The following PARP16 variants were observed in gnomAD, a reference collection of about 807,000 sequenced individuals.
The protein encoded by PARP16 is protein mono-ADP-ribosyltransferase PARP16.
PARP16 carries 31 observed loss-of-function variants against 35.0 expected under a neutral mutation model. That is an observed-to-expected ratio of 0.88 (90% CI 0.66 to 1.19). PARP16 has a LOEUF of 1.19. PARP16 is among the 50% of genes most tolerant of loss of function. The pLI is 0.00. For synonymous variants in PARP16, 162 were observed against 169.5 expected, an observed-to-expected ratio of 0.96 and a Z score of 0.34; for missense variants, 424 against 411.2, an observed-to-expected ratio of 1.03 and a Z score of -0.27.
intron 2 of PARP16, among the ~76,000 whole-genome samples, chr15:65,249,464 A>G (rs1226184701): frequency 6.6e-6 from 1 of 152,224 alleles, no homozygotes; most frequent in African/African-American, 2.4e-5. Flanking sequence ...ATGGGGACTC[A>G]GGAGAAATGT....
At chr15:65,271,841 G>C (rs1177635324) in intron 1 of PARP16, among the ~76,000 whole-genome samples, 1 of 152,216 alleles carries the variant, frequency 6.6e-6, no homozygotes, top group Non-Finnish European at 1.5e-5. Flanking sequence ...CCTGGAGACT[G>C]GATAAAGGTA....
downstream of PARP16, among the ~76,000 whole-genome samples, chr15:65,255,131 T>C (rs563778558): frequency 6.6e-6 from 1 of 152,148 alleles, no homozygotes; most frequent in African/African-American, 2.4e-5. Context: ...GCTTGGCCTA[T>C]GGGATCTCCC....
chr15:65,272,838 TGAA>T (rs1050223921), intron 1 of PARP16, among the ~76,000 whole-genome samples: 1 of 152,216 alleles, frequency 6.6e-6, no homozygotes, highest in East Asian at 1.9e-4. Flanking sequence ...TCAGGAAGTT[TGAA>T]GAAGGTCACA....
At chr15:65,246,529 G>A (rs1035975457) in intron 3 of PARP16, among the ~76,000 whole-genome samples, 12 of 152,338 alleles carry the variant, frequency 7.9e-5, no homozygotes, top group African/African-American at 2.9e-4. Flanking sequence ...TGGTCAGGCA[G>A]GCACAGACAT....
downstream of PARP16, among the ~76,000 whole-genome samples, chr15:65,253,138 A>G (rs1447865643): frequency 7.0e-6 from 1 of 142,628 alleles, no homozygotes; most frequent in Non-Finnish European, 1.6e-5. Context: ...CGTCTCAAAA[A>G]AAAAAAAAAC....
downstream of PARP16, among the ~76,000 whole-genome samples, chr15:65,255,844 T>C (rs2089491953): frequency 6.6e-6 from 1 of 150,702 alleles, no homozygotes; most frequent in African/African-American, 2.4e-5. Context: ...TCTGTAGCAG[T>C]GAGCTAATGT....
chr15:65,271,054 A>C lies in PARP16; in HGVS notation c.193T>G (p.Leu65Val). The change falls in exon 2 of 6, where the codon TTA (leucine) becomes GTA (valine). Residue 65 changes from leucine (L) to valine (V), a missense_variant. Coordinates refer to ENST00000649807, the MANE Select transcript of PARP16 (RefSeq NM_001316943.2). ...TGGAGAAGTTCTTTCAGGTTAGGTA[A>C]CTTGCTGGCATCTGCAAGCTGAAGC... ...FEALLADASK[L>V]PNLKELLQSS... 2 of 1,614,048 alleles carry C rather than the reference A, an allele frequency of 1.2e-6. No individual in the cohort carries two copies. Among genetic ancestry groups the C allele is most frequent in the Admixed American group, 3.3e-5 (2 of 60,008 alleles).
At chr15:65,249,956 A>G (rs2089310089) in intron 2 of PARP16, among the ~76,000 whole-genome samples, 2 of 152,072 alleles carry the variant, frequency 1.3e-5, no homozygotes, top group African/African-American at 4.8e-5. Flanking sequence ...TTCTGCTCAT[A>G]AAACAGAGCA....
intron 4 of PARP16, among the ~76,000 whole-genome samples, chr15:65,262,054 T>C (rs1354077941): frequency 6.6e-6 from 1 of 152,038 alleles, no homozygotes; most frequent in Non-Finnish European, 1.5e-5. Flanking sequence ...ATCTCAGAAT[T>C]CCAGTTGTTT....
downstream of PARP16, among the ~76,000 whole-genome samples, chr15:65,254,953 A>T (rs145522477): frequency 6.6e-6 from 1 of 152,292 alleles, no homozygotes; most frequent in Non-Finnish European, 1.5e-5. Context: ...CTGACAGCTC[A>T]TGGGATGCTG....
At chr15:65,270,890 C>T (rs557009266) in intron 2 of PARP16, 45 bp downstream of exon 2, 12 of 1,599,998 alleles carry the variant, frequency 7.5e-6, no homozygotes, top group Non-Finnish European at 1.0e-5. Context: ...TGTCCTAGAG[C>T]CCTTAGGCCC....
intron 1 of PARP16, among the ~76,000 whole-genome samples, chr15:65,281,984 T>C (rs1204150879): frequency 6.6e-6 from 1 of 152,238 alleles, no homozygotes; most frequent in Admixed American, 6.5e-5. Flanking sequence ...TTCACATTAC[T>C]TCCTAGTGCT....
rs144396805 is a variant in PARP16, at chr15:65,281,212, C to T, written c.174+5041G>A. ...AGTGACAAACCTGAAGTTCGGAGGC[C>T]AATGGTTAAGGGGTACAGGGAATCC... is the stretch of plus-strand genomic sequence containing the variant. On this transcript the variant is annotated intron_variant, in intron 1 of 5. Transcript: ENST00000649807. 2.1e-3 allele frequency among the ~76,000 whole-genome samples: 317 copies of T among 152,250 alleles called. 3 individuals carry two copies. Among genetic ancestry groups the T allele is most frequent in the African/African-American group, 7.5e-3 (312 of 41,548 alleles).
At chr15:65,254,351 C>T (rs1413246748), downstream of PARP16, among the ~76,000 whole-genome samples, 1 of 152,130 alleles carries the variant, frequency 6.6e-6, no homozygotes, top group Non-Finnish European at 1.5e-5. Context: ...CTCCAAATGT[C>T]AGGTTGGAGA....
intron 2 of PARP16, among the ~76,000 whole-genome samples, chr15:65,249,850 T>C (rs59470120): frequency 0.046 from 6,970 of 152,266 alleles, 388 homozygotes; most frequent in African/African-American, 0.13. Flanking sequence ...TCTGCAATGA[T>C]GGGGCTGGGA....
chr15:65,270,430 C>T (rs1221950368), intron 2 of PARP16, among the ~76,000 whole-genome samples: 4 of 152,184 alleles, frequency 2.6e-5, no homozygotes, highest in African/African-American at 9.7e-5. Context: ...TTTTCCACTC[C>T]TTTGAGTTCT....
chr15:65,238,444 C>A (rs1472910877), intron 3 of PARP16, among the ~76,000 whole-genome samples: 5 of 152,200 alleles, frequency 3.3e-5, no homozygotes, highest in Non-Finnish European at 7.3e-5. Flanking sequence ...CCCAGTCACT[C>A]CATGCTCCAG....
rs2089581090 is a variant in PARP16 at position 65,258,441 on chromosome 15, C to T, written c.*966G>A. Reference sequence around the variant, plus strand: ...TGGGGCAGGCCTCTGTCTTGAAGGCCAGTAGGCCACAGAAGACCTGAAAGC... The same window carrying T: ...TGGGGCAGGCCTCTGTCTTGAAGGCTAGTAGGCCACAGAAGACCTGAAAGC... On this transcript the variant is annotated 3_prime_UTR_variant, in exon 6 of 6. Transcript: ENST00000649807. The T allele has an allele frequency of 6.6e-6, 1 of 152,214 alleles. No homozygotes were observed. The highest frequency in any genetic ancestry group is 6.5e-5 in the Admixed American group (1 of 15,276). 9.4% of individuals were successfully genotyped at this position (152,214 alleles called of 1,614,324 possible).
chr15:65,267,415 A>G (rs1189816662), intron 2 of PARP16, among the ~76,000 whole-genome samples: 1 of 151,352 alleles, frequency 6.6e-6, no homozygotes, highest in Non-Finnish European at 1.5e-5. Flanking sequence ...AGACCATCCC[A>G]GCTAACACGG....
Sources: gnomAD v4.1 joint callset for allele counts (sites outside exome capture counted in the v4.1 genomes callset) on GRCh38, gnomAD v4.1.1 for gene constraint, MANE v1.5 for transcripts, NCBI Gene and HGNC (gene_info 2026-07-23, HGNC 2026-07-21) for gene names.